Variants in TBC1D7 observed in about 807,000 individuals in gnomAD.
TBC1D7 encodes TBC domain family 7.
In TBC1D7, 33 loss-of-function variants were observed where a neutral mutation model predicts 35.3. The observed-to-expected ratio is 0.93, with a 90% CI of 0.71 to 1.25. The LOEUF (loss-of-function observed/expected upper bound fraction) is 1.25, where lower values mean the gene tolerates loss of function less well. Among genes scored for constraint, TBC1D7 ranks in the 50% most tolerant of loss-of-function variants. The probability of loss-of-function intolerance (pLI) is 0.00; values close to 1 mark genes in which losing one functional copy is unlikely to be tolerated. For synonymous variants in TBC1D7, 135 were observed against 129.5 expected, an observed-to-expected ratio of 1.04 and a Z score of -0.29; for missense variants, 362 against 365.3, an observed-to-expected ratio of 0.99 and a Z score of 0.07.
intron 6 of TBC1D7, 90 bp downstream of exon 6, chr6:13,307,510 C>T: frequency 7.2e-7 from 1 of 1,388,562 alleles, no homozygotes; most frequent in South Asian, 1.3e-5. Context: ...TGTTCTAAAG[C>T]AAATTTATAA....
At chr6:13,323,256 G>A (rs753500513) in intron 3 of TBC1D7, among the ~76,000 whole-genome samples, 11 of 152,154 alleles carry the variant, frequency 7.2e-5, no homozygotes, top group Non-Finnish European at 1.6e-4. Flanking sequence ...GGGAGACTGA[G>A]GCAGGAGAAT....
chr6:13,311,791 T>C (rs1783231244), intron 5 of TBC1D7, among the ~76,000 whole-genome samples: 1 of 152,116 alleles, frequency 6.6e-6, no homozygotes, highest in African/African-American at 2.4e-5. Context: ...AGCCAAGACA[T>C]TTTTGAAAAA....
intron 4 of TBC1D7, 188 bp downstream of exon 4, chr6:13,320,720 A>C (rs759234508): frequency 5.8e-6 from 4 of 692,704 alleles, no homozygotes; most frequent in African/African-American, 5.4e-5. Context: ...ATTTTAAAAA[A>C]ACAAAAAGTA....
At chr6:13,320,394 G>C in intron 4 of TBC1D7, 1 of 282,050 alleles carries the variant, frequency 3.5e-6, no homozygotes, top group Non-Finnish European at 6.7e-6. Flanking sequence ...TTTAGGAAGT[G>C]TACACTGAAG....
At chr6:13,308,716 G>A (rs1782982560) in intron 5 of TBC1D7, among the ~76,000 whole-genome samples, 2 of 152,214 alleles carry the variant, frequency 1.3e-5, no homozygotes, top group African/African-American at 4.8e-5. Context: ...TTCTGTTAAA[G>A]AGGAGATTCA....
chr6:13,307,097 T>C (rs993211842), intron 6 of TBC1D7: 3 of 155,366 alleles, frequency 1.9e-5, no homozygotes, highest in Middle Eastern at 3.4e-3. Flanking sequence ...TATTATCTTA[T>C]AATGTTCTCT....
At chr6:13,315,946 G>GT (rs1217548411) in intron 5 of TBC1D7, among the ~76,000 whole-genome samples, 1 of 152,198 alleles carries the variant, frequency 6.6e-6, no homozygotes, top group Non-Finnish European at 1.5e-5. Flanking sequence ...GGCCACAGTT[G>GT]TGGCTGGCTT....
intron 1 of TBC1D7, among the ~76,000 whole-genome samples, chr6:13,327,319 T>C (rs1584581766): frequency 6.6e-6 from 1 of 152,270 alleles, no homozygotes; most frequent in African/African-American, 2.4e-5. Context: ...TGATTTCATT[T>C]TTTGTTTTTT....
At chr6:13,312,376 T>TA (rs1783282450) in intron 5 of TBC1D7, among the ~76,000 whole-genome samples, 1 of 152,136 alleles carries the variant, frequency 6.6e-6, no homozygotes, top group African/African-American at 2.4e-5. Flanking sequence ...TTAAAATGTT[T>TA]AAGCATTTTT....
In TBC1D7 at chr6:13,305,207, T is replaced by C; in HGVS notation, c.796-20A>G. 1 of 1,613,450 alleles carries C rather than the reference T, an allele frequency of 6.2e-7. No individual in the cohort carries two copies. The highest frequency in any genetic ancestry group is 8.5e-7 in the Non-Finnish European group (1 of 1,179,374). ...GGGAATCTGTGGGCAAGCAAATCAG[T>C]CTTTGTGAAATTTCAGTGTTGACAA... is the stretch of plus-strand genomic sequence containing the variant. On this transcript the variant is annotated intron_variant, in intron 7 of 7. Coordinates refer to ENST00000379300, the MANE Select transcript of TBC1D7 (RefSeq NM_016495.6).
chr6:13,317,202 C>T (rs1050940056), intron 4 of TBC1D7, among the ~76,000 whole-genome samples: 4 of 152,178 alleles, frequency 2.6e-5, no homozygotes, highest in African/African-American at 9.6e-5. Flanking sequence ...TTTGTTCTAT[C>T]TTAAGCAGTA....
In TBC1D7 at chr6:13,305,089, C is replaced by T. The variant is rs372091917; in HGVS notation, c.*12G>A. The stretch of plus-strand genomic sequence containing the variant: ...TGGTGCCTGGCAGACGGTCCACAAC[C>T]AGCGGGTGCGTTCAGCTTGAATGGA... On this transcript the variant is annotated 3_prime_UTR_variant, in exon 8 of 8. Transcript: ENST00000379300. The T allele has an allele frequency of 1.9e-6, 3 of 1,601,150 alleles. No homozygotes were observed. The African/African-American group carries it at 4.0e-5, about 22-fold the overall frequency.
At chr6:13,315,108 A>C (rs964398851) in intron 5 of TBC1D7, among the ~76,000 whole-genome samples, 3 of 152,126 alleles carry the variant, frequency 2.0e-5, no homozygotes, top group African/African-American at 7.2e-5. Flanking sequence ...TCTACTGCAG[A>C]CAGGGCAGCC....
At position 13,307,656 on chromosome 6, in the gene TBC1D7, A is replaced by G. The variant is rs775481770; in HGVS notation, c.609T>C (p.Tyr203=). The G allele has an allele frequency of 6.2e-7, 1 of 1,614,198 alleles. No homozygotes were observed. The highest frequency in any genetic ancestry group is 2.2e-5 in the East Asian group (1 of 44,880). ...CAAAGCACCTCTTGAACCAGAGATC[A>G]TAAGGAAGTTTGGGCGCCGCGGAAC... ...RMCSAAPKLP[Y]DLWFKRCFAG... is the part of the protein sequence containing the mutation. Residue 203 remains tyrosine, a synonymous_variant, in exon 6 of 8, where the codon TAT becomes TAC. Coordinates refer to ENST00000379300, the MANE Select transcript of TBC1D7 (RefSeq NM_016495.6).
chr6:13,307,896 C>T (rs1370880304), intron 5 of TBC1D7, 151 bp from the exon 6 acceptor site: 3 of 841,104 alleles, frequency 3.6e-6, no homozygotes, highest in Non-Finnish European at 5.4e-6. Flanking sequence ...TGTGACACAG[C>T]AGTTTCCTAG....
At chr6:13,312,270 G>A (rs1327501729) in intron 5 of TBC1D7, among the ~76,000 whole-genome samples, 3 of 152,228 alleles carry the variant, frequency 2.0e-5, no homozygotes, top group Non-Finnish European at 2.9e-5. Context: ...GGAGTGATGT[G>A]TTGGTAGAAG....
chr6:13,322,289 C>T (rs986004206), intron 3 of TBC1D7, among the ~76,000 whole-genome samples: 1 of 151,748 alleles, frequency 6.6e-6, no homozygotes, highest in East Asian at 1.9e-4. Context: ...CAAAAAAAAA[C>T]ATTTTATTTA....
At chr6:13,317,547 T>C (rs1783721617) in intron 4 of TBC1D7, among the ~76,000 whole-genome samples, 1 of 152,254 alleles carries the variant, frequency 6.6e-6, no homozygotes, top group Non-Finnish European at 1.5e-5. Context: ...TTCTTTCAAC[T>C]TGTTAATATT....
chr6:13,307,786 T>G lies in TBC1D7; in HGVS notation c.520-41A>C, dbSNP rs201532343. 2.5e-6 allele frequency: 4 copies of G among 1,582,780 alleles called. No individual in the cohort carries two copies. The East Asian group carries it at 9.0e-5, about 36-fold the overall frequency. ...GAACAGAGATTATTCATTTTCTGTG[T>G]CATAACATCATCTGATATTATAGTC... On this transcript the variant is annotated intron_variant, in intron 5 of 7. Transcript: ENST00000379300.
Sources: allele counts gnomAD v4.1 joint callset (sites outside exome capture counted in the v4.1 genomes callset), GRCh38; gene constraint gnomAD v4.1.1; transcripts MANE v1.5; gene names NCBI Gene and HGNC (gene_info 2026-07-23, HGNC 2026-07-21).